ANAPC1: variants seen among roughly 807,000 people sequenced by gnomAD.
The protein encoded by ANAPC1 is anaphase-promoting complex subunit 1.
In ANAPC1, 36 loss-of-function variants were observed where a neutral mutation model predicts 208.0. The ratio of observed to expected loss-of-function variants is 0.17; its 90% CI spans 0.13 to 0.23. The LOEUF (loss-of-function observed/expected upper bound fraction) is 0.23. Ranked by LOEUF, ANAPC1 falls within the 10% of genes least tolerant of loss-of-function variation. ANAPC1 has a pLI of 1.00. For missense variants in ANAPC1, 942 were observed against 2,011.6 expected (o/e 0.47, Z 10.17); for synonymous variants, 378 against 695.2 (o/e 0.54, Z 7.18).
At chr2:111,855,351 A>C (rs578232288) in intron 13 of ANAPC1, among the ~76,000 whole-genome samples, 2 of 152,366 alleles carry the variant, frequency 1.3e-5, no homozygotes, top group East Asian at 3.9e-4. Context: ...TCAATATTTG[A>C]AACAGTGACA....
At chr2:111,838,740 G>C (rs1680608020) in intron 17 of ANAPC1, among the ~76,000 whole-genome samples, 1 of 152,182 alleles carries the variant, frequency 6.6e-6, no homozygotes, top group African/African-American at 2.4e-5. Flanking sequence ...CAGTGCCTGG[G>C]CTTCTAAGGA....
chr2:111,770,198 ATT>A (rs1279986844), intron 47 of ANAPC1, among the ~76,000 whole-genome samples: 18 of 17,402 alleles, frequency 1.0e-3, no homozygotes, highest in South Asian at 2.2e-3. Context: ...ATATTGTTTA[ATT>A]TTATATATAT....
chr2:111,860,419 C>G (rs1158572736), intron 10 of ANAPC1, among the ~76,000 whole-genome samples: 6 of 147,022 alleles, frequency 4.1e-5, no homozygotes, highest in East Asian at 3.9e-4. Context: ...TATCTTCATT[C>G]CTATTCAAAG....
At chr2:111,862,998 TAC>T (rs1349219222) in intron 9 of ANAPC1, among the ~76,000 whole-genome samples, 1 of 148,998 alleles carries the variant, frequency 6.7e-6, no homozygotes, top group East Asian at 2.0e-4. Flanking sequence ...GAGAAATAGA[TAC>T]ATTTACATAT....
rs765886361 is a variant in ANAPC1 at position 111,794,136 on chromosome 2, A to G, written c.4465-5T>C. The G allele has an allele frequency of 6.8e-7, 1 of 1,474,954 alleles. No homozygotes were observed. Among genetic ancestry groups the G allele is most frequent in the Non-Finnish European group, 9.2e-7 (1 of 1,084,964 alleles). 91.4% of individuals were successfully genotyped at this position (1,474,954 alleles called of 1,614,324 possible). Reference sequence around the variant, plus strand: ...AAAATCTTTGGCAAATTTATGCTAGAAAAACAAAAGAAAAAATTCCAAGTT... The same window carrying G: ...AAAATCTTTGGCAAATTTATGCTAGGAAAACAAAAGAAAAAATTCCAAGTT... On this transcript the variant is annotated splice_polypyrimidine_tract_variant and splice_region_variant and intron_variant, in intron 36 of 47. Transcript: ENST00000341068.
At chr2:111,873,213 C>T in intron 5 of ANAPC1, 95 bp downstream of exon 5, 1 of 1,196,912 alleles carries the variant, frequency 8.4e-7, no homozygotes, top group South Asian at 2.1e-5. Flanking sequence ...TTTTTGACTA[C>T]TACGAAACAT....
intron 7 of ANAPC1, among the ~76,000 whole-genome samples, chr2:111,867,241 G>A (rs192398643): frequency 6.6e-6 from 1 of 151,796 alleles, no homozygotes; most frequent in Admixed American, 6.6e-5. Flanking sequence ...AGTGAGCCGA[G>A]ATCGCACCAT....
At chr2:111,841,797 T>G (rs1018505376) in intron 17 of ANAPC1, among the ~76,000 whole-genome samples, 5 of 152,072 alleles carry the variant, frequency 3.3e-5, no homozygotes, top group Non-Finnish European at 7.3e-5. Flanking sequence ...ACAAAGGACA[T>G]GAAATACGAA....
intron 37 of ANAPC1, among the ~76,000 whole-genome samples, chr2:111,793,183 A>G (rs1425457509): frequency 6.6e-6 from 1 of 152,082 alleles, no homozygotes; most frequent in African/African-American, 2.4e-5. Flanking sequence ...TTAACCTTTT[A>G]AATGACCTAT....
chr2:111,870,561 G>C (rs992699634), intron 6 of ANAPC1, among the ~76,000 whole-genome samples: 9 of 151,960 alleles, frequency 5.9e-5, no homozygotes, highest in African/African-American at 2.2e-4. Context: ...TTGAGCTTCT[G>C]TCTTGCTGAT....
At chr2:111,847,596 A>C (rs1009831354) in intron 15 of ANAPC1, 129 bp downstream of exon 15, 2 of 1,296,078 alleles carry the variant, frequency 1.5e-6, no homozygotes, top group African/African-American at 3.0e-5. Context: ...ATCGTGCCAA[A>C]AAATGACACA....
intron 35 of ANAPC1, 54 bp downstream of exon 35, chr2:111,794,764 A>G: frequency 1.1e-6 from 1 of 879,754 alleles, no homozygotes; most frequent in East Asian, 2.6e-5. Context: ...GTATATTTCA[A>G]TTTAATTATC....
chr2:111,794,716 A>C (rs1300367531), intron 35 of ANAPC1, 102 bp downstream of exon 35: 2 of 1,323,190 alleles, frequency 1.5e-6, no homozygotes, highest in Non-Finnish European at 2.1e-6. Flanking sequence ...TGTGGGATTC[A>C]TAATTACTTA....
At chr2:111,842,014 T>G (rs1229747480) in intron 17 of ANAPC1, among the ~76,000 whole-genome samples, 1 of 152,210 alleles carries the variant, frequency 6.6e-6, no homozygotes, top group Non-Finnish European at 1.5e-5. Flanking sequence ...GACCTCACAG[T>G]TTCTCTTTTA....
At chr2:111,775,198 G>A (rs1207033678) in intron 46 of ANAPC1, among the ~76,000 whole-genome samples, 2 of 152,190 alleles carry the variant, frequency 1.3e-5, no homozygotes, top group East Asian at 1.9e-4. Context: ...CCCAGGAGGT[G>A]GAGGTTGCAG....
intron 13 of ANAPC1, among the ~76,000 whole-genome samples, chr2:111,851,312 AG>A (rs1681383181): frequency 6.6e-6 from 1 of 152,108 alleles, no homozygotes; most frequent in Non-Finnish European, 1.5e-5. Flanking sequence ...CATGTTATCC[AG>A]GCTGGTCTTG....
intron 7 of ANAPC1, among the ~76,000 whole-genome samples, chr2:111,867,419 G>C (rs560001483): frequency 1.3e-5 from 2 of 151,036 alleles, no homozygotes; most frequent in South Asian, 4.2e-4. Context: ...AGCTAGGCAC[G>C]GTGGCTCACC....
chr2:111,866,002 G>A (rs565520578), intron 7 of ANAPC1: 9 of 177,818 alleles, frequency 5.1e-5, no homozygotes, highest in Middle Eastern at 4.5e-3. Context: ...TCAGGAGATC[G>A]AGACCATCCT....
chr2:111,811,345 A>AC (rs1166618490), intron 28 of ANAPC1, among the ~76,000 whole-genome samples: 16 of 127,452 alleles, frequency 1.3e-4, no homozygotes, highest in South Asian at 2.8e-4. Context: ...ATATGCAGGG[A>AC]CCCCCCCTGG....
Sources: gnomAD v4.1 joint callset for allele counts (sites outside exome capture counted in the v4.1 genomes callset) on GRCh38, gnomAD v4.1.1 for gene constraint, MANE v1.5 for transcripts, NCBI Gene and HGNC (gene_info 2026-07-23, HGNC 2026-07-21) for gene names.